Variants in SPATA6 observed in about 807,000 individuals in gnomAD.
SPATA6 encodes the protein spermatogenesis associated 6.
A neutral mutation model predicts 65.3 loss-of-function variants in SPATA6; 56 were observed. That is an observed-to-expected ratio of 0.86 (90% CI 0.69 to 1.07). The LOEUF (loss-of-function observed/expected upper bound fraction) is 1.07, where lower values mean the gene tolerates loss of function less well. Among genes scored for constraint, SPATA6 ranks in the 50% least tolerant of loss-of-function variants. The pLI, the probability that SPATA6 is intolerant of heterozygous loss-of-function variation, is 0.00. For synonymous variants in SPATA6, 199 were observed against 213.2 expected (o/e 0.93, Z 0.58); for missense variants, 590 against 594.8 (o/e 0.99, Z 0.08).
intron 8 of SPATA6, 24 bp from the exon 9 acceptor site, chr1:48,385,373 T>C (rs1649356586): frequency 2.5e-6 from 4 of 1,595,548 alleles, no homozygotes; most frequent in Non-Finnish European, 3.4e-6. Flanking sequence ...TACAAAACAA[T>C]TAAAGTTTAA....
intron 11 of SPATA6, among the ~76,000 whole-genome samples, chr1:48,328,350 C>T (rs1570143807): frequency 6.6e-6 from 1 of 151,982 alleles, no homozygotes; most frequent in East Asian, 1.9e-4. Context: ...ACAACCCAAA[C>T]TAAATGATCC....
At position 48,433,295 on chromosome 1, in the gene SPATA6, T is replaced by C. The variant is rs185420450; in HGVS notation, c.238+18257A>G. 3.6e-3 allele frequency among the ~76,000 whole-genome samples: 550 copies of C among 152,284 alleles called. 1 individual carries two copies. The highest frequency in any genetic ancestry group is 6.2e-3 in the South Asian group (30 of 4,828). ...TTAAGATAGTAAATTTCATTATGTATGTTTTACTGTAATAAAAATTACTTC... is the reference window on the plus strand; with the variant it reads ...TTAAGATAGTAAATTTCATTATGTACGTTTTACTGTAATAAAAATTACTTC... On this transcript the variant is annotated intron_variant, in intron 3 of 12. Coordinates refer to ENST00000371847, the MANE Select transcript of SPATA6 (RefSeq NM_019073.4).
intron 11 of SPATA6, among the ~76,000 whole-genome samples, chr1:48,306,309 T>C (rs1645061535): frequency 6.6e-6 from 1 of 151,972 alleles, no homozygotes; most frequent in African/African-American, 2.4e-5. Context: ...AGGAAATGGC[T>C]TAGACTTATT....
intron 11 of SPATA6, chr1:48,325,336 A>C: frequency 1.0e-5 from 13 of 1,294,576 alleles, no homozygotes; most frequent in Non-Finnish European, 1.4e-5. Context: ...AGGCCCCCGT[A>C]GAGTCCTCCC....
At chr1:48,466,668 T>C (rs1657831676) in intron 1 of SPATA6, among the ~76,000 whole-genome samples, 1 of 152,032 alleles carries the variant, frequency 6.6e-6, no homozygotes, top group Non-Finnish European at 1.5e-5. Flanking sequence ...TTTTTTTTTC[T>C]ATAAATTTGA....
At chr1:48,336,019 C>T (rs1646049973) in intron 11 of SPATA6, among the ~76,000 whole-genome samples, 1 of 152,028 alleles carries the variant, frequency 6.6e-6, no homozygotes, top group South Asian at 2.1e-4. Context: ...CACCAAAAAG[C>T]ATATGAAAAA....
chr1:48,316,982 C>T lies in SPATA6; in HGVS notation c.1195-11104G>A, dbSNP rs374665379. Among the ~76,000 whole-genome samples, 3 of 152,238 alleles carry T rather than the reference C, an allele frequency of 2.0e-5. No homozygotes were observed. In the South Asian group the frequency reaches 6.2e-4, roughly 32 times the overall value. ...TGCAAATCAAAACCACAATGAGATA[C>T]CATCTCACACCAGTTAGAATGGCAA... is the stretch of plus-strand genomic sequence containing the variant. On this transcript the variant is annotated intron_variant, in intron 11 of 12. Transcript: ENST00000371847.
At position 48,299,516 on chromosome 1, in the gene SPATA6, GAAAAAA is replaced by G. The variant is rs58072004; in HGVS notation, c.1287-629_1287-624del. On this transcript the variant is annotated intron_variant, in intron 12 of 12. Transcript: ENST00000371847. ...ACAACAAGAGCAAAACTCCGTCTCG[GAAAAAA>G]AAAAAAAAAAAAAAAGAATGCATAG... 3.7e-4 allele frequency among the ~76,000 whole-genome samples: 14 copies of G among 38,202 alleles called. No individual in the cohort carries two copies. The Admixed American group carries it at 4.6e-3, about 13-fold the overall frequency. The allele number at this position is 38,202 out of a possible 152,430, so 25.1% of individuals were successfully genotyped here. A position where few individuals can be genotyped will look rare whatever the true frequency, so the allele number is the denominator to read the frequency against.
intron 11 of SPATA6, among the ~76,000 whole-genome samples, chr1:48,341,537 G>A (rs970127866): frequency 2.0e-5 from 3 of 152,130 alleles, no homozygotes; most frequent in African/African-American, 7.2e-5. Flanking sequence ...GTTACCCTTA[G>A]TTTACTTAGC....
chr1:48,299,133 G>C (rs188525644), intron 12 of SPATA6, among the ~76,000 whole-genome samples: 44 of 152,076 alleles, frequency 2.9e-4, no homozygotes, highest in Non-Finnish European at 3.8e-4. Flanking sequence ...GAGTGAAAAA[G>C]GAATTCAGAG....
rs1338314 is a variant in SPATA6 at position 48,359,683 on chromosome 1, G to A, written c.997C>T (p.Arg333Trp). 53,678 of 1,613,634 alleles carry A rather than the reference G, an allele frequency of 0.033. 1,015 individuals are homozygous for A. The highest frequency in any genetic ancestry group is 0.04 in the Non-Finnish European group (47,140 of 1,179,780). The stretch of plus-strand genomic sequence containing the variant: ...ACTAGCAAGGTCCTCGCTGAATGCC[G>A]GGGCTTACTACACGACCTTGGGCTC... ...YLSPRSCSKP[R>W]HSARTLLVHS... is the part of the protein sequence containing the mutation. The change falls in exon 10 of 13, where the codon CGG becomes TGG. Residue 333 changes from arginine to tryptophan, a missense_variant. Coordinates refer to ENST00000371847, the MANE Select transcript of SPATA6 (RefSeq NM_019073.4).
At chr1:48,423,564 C>CTTTTTTTTTTTTTTT (rs781669150) in intron 3 of SPATA6, among the ~76,000 whole-genome samples, 3 of 121,064 alleles carry the variant, frequency 2.5e-5, no homozygotes, top group South Asian at 2.8e-4. Flanking sequence ...TTCTTTCTTT[C>CTTTTTTTTTTTTTTT]TTTTTTTTTT....
At chr1:48,299,516 G>GGAAAAAAAAAAAAAAA (rs761355984) in intron 12 of SPATA6, among the ~76,000 whole-genome samples, 2 of 38,188 alleles carry the variant, frequency 5.2e-5, no homozygotes, top group Non-Finnish European at 9.5e-5. Context: ...CTCCGTCTCG[G>GGAAAAAAAAAAAAAAA]AAAAAAAAAA....
chr1:48,318,981 G>T (rs905184068), intron 11 of SPATA6, among the ~76,000 whole-genome samples: 3 of 152,108 alleles, frequency 2.0e-5, no homozygotes, highest in African/African-American at 4.8e-5. Context: ...ATAGTCAACT[G>T]ATTTTTTTAT....
chr1:48,403,069 AG>A (rs200262320), intron 6 of SPATA6, among the ~76,000 whole-genome samples: 10,014 of 152,112 alleles, frequency 0.066, 412 homozygotes, highest in Non-Finnish European at 0.092. Flanking sequence ...TCAACTACTA[AG>A]GGGACTGATG....
At chr1:48,364,025 C>T (rs1178464467) in intron 9 of SPATA6, among the ~76,000 whole-genome samples, 1 of 151,614 alleles carries the variant, frequency 6.6e-6, no homozygotes, top group Non-Finnish European at 1.5e-5. Context: ...TTGTTCAATT[C>T]CCACCTATGA....
chr1:48,430,717 A>G, intron 3 of SPATA6, among the ~76,000 whole-genome samples: 1 of 152,290 alleles, frequency 6.6e-6, no homozygotes, highest in East Asian at 1.9e-4. Context: ...GTGTTACAAC[A>G]TAGGTGTGTT....
rs139188589 is a variant in SPATA6 at position 48,459,689 on chromosome 1, T to G, written c.52-6558A>C. ...CAAGGGCACATAAAAACATTCACCA[T>G]GATAGATGATACTGTGAGTCATAAA... On this transcript the variant is annotated intron_variant, in intron 1 of 12. Transcript: ENST00000371847. 1.3e-3 allele frequency among the ~76,000 whole-genome samples: 195 copies of G among 152,250 alleles called. 1 individual carries two copies. The highest frequency in any genetic ancestry group is 9.2e-3 in the Admixed American group (140 of 15,290).
At chr1:48,400,634 C>G (rs182717889) in intron 6 of SPATA6, 1 of 366,114 alleles carries the variant, frequency 2.7e-6, no homozygotes, top group Non-Finnish European at 4.6e-6. Flanking sequence ...CTAAGGGTAA[C>G]TAAGTGAATA....
Sources: gnomAD v4.1 joint callset for allele counts (sites outside exome capture counted in the v4.1 genomes callset) on GRCh38, gnomAD v4.1.1 for gene constraint, MANE v1.5 for transcripts, NCBI Gene and HGNC (gene_info 2026-07-23, HGNC 2026-07-21) for gene names.